The following LRP1B variants were observed in gnomAD, a reference collection of about 807,000 sequenced individuals.
The protein encoded by LRP1B is LDL receptor related protein 1B.
Under a neutral mutation model 556.6 loss-of-function variants are expected in LRP1B, and 217 were observed. That is an observed-to-expected ratio of 0.39 (90% CI 0.35 to 0.44). The LOEUF (loss-of-function observed/expected upper bound fraction) is 0.44, where lower values mean the gene tolerates loss of function less well. Among genes scored for constraint, LRP1B ranks in the 20% least tolerant of loss-of-function variants. The probability of loss-of-function intolerance (pLI) is 1.00; values close to 1 mark genes in which losing one functional copy is unlikely to be tolerated. For synonymous variants in LRP1B, 2,047 were observed against 1,865.8 expected (o/e 1.10, Z -2.50); for missense variants, 5,053 against 5,620.8 (o/e 0.90, Z 3.23).
At chr2:141,890,813 G>A (rs1245194615) in intron 1 of LRP1B, among the ~76,000 whole-genome samples, 1 of 151,894 alleles carries the variant, frequency 6.6e-6, no homozygotes, top group African/African-American at 2.4e-5. Flanking sequence ...ATGGGAATCC[G>A]TTCAAAAAAT....
chr2:141,584,164 G>A (rs1260712714), intron 2 of LRP1B, among the ~76,000 whole-genome samples: 3 of 151,434 alleles, frequency 2.0e-5, no homozygotes, highest in Non-Finnish European at 2.9e-5. Flanking sequence ...AGGATCACTG[G>A]AGCCCGGGAG....
At position 141,907,383 on chromosome 2, in the gene LRP1B, G is replaced by A. The variant is rs188418324; in HGVS notation, c.83-96982C>T. 3.8e-3 allele frequency among the ~76,000 whole-genome samples: 571 copies of A among 151,702 alleles called. 4 individuals are homozygous for A. The highest frequency in any genetic ancestry group is 0.013 in the African/African-American group (552 of 41,406). On this transcript the variant is annotated intron_variant, in intron 1 of 90. Coordinates refer to ENST00000389484, the MANE Select transcript of LRP1B (RefSeq NM_018557.3). ...ACCACTCCATTTTAAATCTAAATGT[G>A]AATATAATTTTTAAAAGTCAGTACA... is the stretch of plus-strand genomic sequence containing the variant.
chr2:140,535,284 C>G (rs1223936915), intron 46 of LRP1B, among the ~76,000 whole-genome samples: 1 of 152,096 alleles, frequency 6.6e-6, no homozygotes, highest in Non-Finnish European at 1.5e-5. Flanking sequence ...ATAGTAAATG[C>G]AAGCCTGTGA....
At chr2:141,337,360 C>T (rs186926110) in intron 3 of LRP1B, among the ~76,000 whole-genome samples, 1 of 152,252 alleles carries the variant, frequency 6.6e-6, no homozygotes, top group East Asian at 1.9e-4. Context: ...TGTTTCTGTG[C>T]AAGTCATATC....
chr2:140,941,818 GA>G (rs1695411564), intron 20 of LRP1B, among the ~76,000 whole-genome samples: 1 of 152,064 alleles, frequency 6.6e-6, no homozygotes, highest in African/African-American at 2.4e-5. Flanking sequence ...AATTCATGAA[GA>G]AAAAGAAGCA....
At chr2:140,289,562 T>C (rs763559983) in intron 84 of LRP1B, among the ~76,000 whole-genome samples, 1 of 151,900 alleles carries the variant, frequency 6.6e-6, no homozygotes, top group Non-Finnish European at 1.5e-5. Flanking sequence ...CTTTTATGTA[T>C]AAGCACGTAC....
chr2:140,545,204 A>T (rs1335954678), intron 43 of LRP1B, among the ~76,000 whole-genome samples: 2 of 150,298 alleles, frequency 1.3e-5, no homozygotes, highest in African/African-American at 2.5e-5. Context: ...TCGGACTCAT[A>T]GTTTGCAAAA....
chr2:141,776,895 A>G (rs927054253), intron 2 of LRP1B, among the ~76,000 whole-genome samples: 6 of 152,190 alleles, frequency 3.9e-5, no homozygotes, highest in African/African-American at 1.4e-4. Flanking sequence ...AGACCACCAC[A>G]TATTTTTTTA....
chr2:142,118,304 C>G (rs983606287), intron 1 of LRP1B, among the ~76,000 whole-genome samples: 1 of 152,124 alleles, frequency 6.6e-6, no homozygotes, highest in African/African-American at 2.4e-5. Context: ...TGGCATTCAT[C>G]TCTAAATCTT....
intron 2 of LRP1B, among the ~76,000 whole-genome samples, chr2:141,591,500 C>T (rs561560341): frequency 4.6e-5 from 7 of 151,176 alleles, no homozygotes; most frequent in African/African-American, 1.7e-4. Context: ...GTGCTTATAG[C>T]AGAGGTCAAT....
intron 3 of LRP1B, among the ~76,000 whole-genome samples, chr2:141,395,923 A>G (rs1690224472): frequency 6.6e-6 from 1 of 152,222 alleles, no homozygotes; most frequent in African/African-American, 2.4e-5. Context: ...AAAGTTGTGT[A>G]CTTGAGCAAG....
At chr2:141,964,624 C>T (rs937723730) in intron 1 of LRP1B, among the ~76,000 whole-genome samples, 1 of 151,406 alleles carries the variant, frequency 6.6e-6, no homozygotes, top group African/African-American at 2.4e-5. Context: ...AAACGTTAGA[C>T]CTAAAACCAT....
intron 1 of LRP1B, among the ~76,000 whole-genome samples, chr2:141,930,415 T>C (rs1311614813): frequency 2.6e-5 from 4 of 152,062 alleles, no homozygotes; most frequent in African/African-American, 7.2e-5. Flanking sequence ...ATGCCATAAT[T>C]ATTAGATGAG....
intron 43 of LRP1B, among the ~76,000 whole-genome samples, chr2:140,551,998 A>G (rs1444173854): frequency 6.6e-6 from 1 of 152,156 alleles, no homozygotes; most frequent in Non-Finnish European, 1.5e-5. Flanking sequence ...AAGCTTGAAG[A>G]AGTTAGCTCA....
chr2:140,992,208 T>C (rs1043027336), intron 16 of LRP1B, among the ~76,000 whole-genome samples: 7 of 151,782 alleles, frequency 4.6e-5, no homozygotes, highest in African/African-American at 1.7e-4. Flanking sequence ...AAAAATTGAG[T>C]GTGGACTATA....
intron 82 of LRP1B, among the ~76,000 whole-genome samples, chr2:140,320,913 A>C (rs1443900226): frequency 6.6e-6 from 1 of 152,088 alleles, no homozygotes; most frequent in Non-Finnish European, 1.5e-5. Flanking sequence ...AAAATTATCC[A>C]GGCATAGTGA....
At chr2:141,234,992 T>C (rs1683599508) in intron 5 of LRP1B, among the ~76,000 whole-genome samples, 1 of 146,120 alleles carries the variant, frequency 6.8e-6, no homozygotes, top group South Asian at 2.2e-4. Flanking sequence ...TCCTTAACTA[T>C]TTTTTAACAA....
Position 141,700,230 on chromosome 2 carries a change from G to A in LRP1B, c.205+110049C>T, listed in dbSNP as rs79776851. Among the ~76,000 whole-genome samples, 687 of 151,788 alleles carry A rather than the reference G, an allele frequency of 4.5e-3. 7 individuals are homozygous for A. Among genetic ancestry groups the A allele is most frequent in the African/African-American group, 0.016 (648 of 41,468 alleles). ...AAGATACCTTCGACATTATTGTAACGTTCTACTCAAATCCCATGTAAAAGC... is the reference window on the plus strand; with the variant it reads ...AAGATACCTTCGACATTATTGTAACATTCTACTCAAATCCCATGTAAAAGC... On this transcript the variant is annotated intron_variant, in intron 2 of 90. Coordinates refer to ENST00000389484, the MANE Select transcript of LRP1B (RefSeq NM_018557.3).
rs1390915560 is a variant in LRP1B, at chr2:142,115,491, T to TATAA, written c.82+15156_82+15157insTTAT. On this transcript the variant is annotated intron_variant, in intron 1 of 90. Coordinates refer to ENST00000389484, the MANE Select transcript of LRP1B (RefSeq NM_018557.3). Reference sequence around the variant, plus strand: ...TATATTACATACATATAATATATAATTATATATAATATATATTATATATTA... The same window carrying TATAA: ...TATATTACATACATATAATATATAATATAATATATATAATATATATTATATATTA... 5.7e-4 allele frequency among the ~76,000 whole-genome samples: 48 copies of TATAA among 84,774 alleles called. 3 individuals are homozygous for TATAA. The highest frequency in any genetic ancestry group is 5.0e-3 in the Middle Eastern group (1 of 202). 55.6% of individuals were successfully genotyped at this position (84,774 alleles called of 152,430 possible). A position where few individuals can be genotyped will look rare whatever the true frequency, so the allele number is the denominator to read the frequency against.
Sources: gnomAD v4.1 joint callset for allele counts (sites outside exome capture counted in the v4.1 genomes callset) on GRCh38, gnomAD v4.1.1 for gene constraint, MANE v1.5 for transcripts, NCBI Gene and HGNC (gene_info 2026-07-23, HGNC 2026-07-21) for gene names.